The following SLC2A9 variants were observed in gnomAD, a reference collection of about 807,000 sequenced individuals.
SLC2A9 encodes solute carrier family 2 member 9, also known as solute carrier family 2, facilitated glucose transporter member 9.
SLC2A9 carries 39 observed loss-of-function variants against 50.6 expected under a neutral mutation model. That is an observed-to-expected ratio of 0.77 (90% CI 0.60 to 1.01). SLC2A9 has a LOEUF of 1.01. Among genes scored for constraint, SLC2A9 ranks in the 50% least tolerant of loss-of-function variants. SLC2A9 has a pLI of 0.00. For synonymous variants in SLC2A9, 324 were observed against 276.9 expected (o/e 1.17, Z -1.69); for missense variants, 686 against 677.6 (o/e 1.01, Z -0.14).
intron 11 of SLC2A9, among the ~76,000 whole-genome samples, chr4:9,832,328 G>A (rs1726305972): frequency 6.6e-6 from 1 of 152,174 alleles, no homozygotes; most frequent in African/African-American, 2.4e-5. Context: ...GCAGCCCCCT[G>A]AGCCCAGCTC....
intron 10 of SLC2A9, among the ~76,000 whole-genome samples, chr4:9,866,084 C>T (rs57235613): frequency 0.16 from 25,045 of 152,082 alleles, 2,166 homozygotes; most frequent in Admixed American, 0.23. Flanking sequence ...GGAAAGGGCC[C>T]CAGTCCTTGC....
intron 3 of SLC2A9, among the ~76,000 whole-genome samples, chr4:9,806,079 G>A (rs1722079110): frequency 6.6e-6 from 1 of 152,152 alleles, no homozygotes; most frequent in Non-Finnish European, 1.5e-5. Context: ...GCCTGAGGCT[G>A]GGAGCAGTCA....
chr4:10,034,010 TCTCCCCTCAGCAGCAC>T (rs1441461564), intron 1 of SLC2A9, among the ~76,000 whole-genome samples: 1 of 152,090 alleles, frequency 6.6e-6, no homozygotes, highest in Non-Finnish European at 1.5e-5. Flanking sequence ...TTACTGACTC[TCTCCCCTCAGCAGCAC>T]CCCCAGCACC....
At chr4:9,802,147 G>C (rs1236688385) in intron 3 of SLC2A9, among the ~76,000 whole-genome samples, 1 of 152,150 alleles carries the variant, frequency 6.6e-6, no homozygotes, top group African/African-American at 2.4e-5. Context: ...TTGTTTACTC[G>C]GTACCGAACC....
At chr4:9,806,057 GAGA>G (rs1255034979) in intron 3 of SLC2A9, among the ~76,000 whole-genome samples, 1 of 152,202 alleles carries the variant, frequency 6.6e-6, no homozygotes, top group Non-Finnish European at 1.5e-5. Flanking sequence ...AAAGAATGCA[GAGA>G]AGGTGTTAGC....
At chr4:10,038,297 A>C (rs1349285559) in intron 1 of SLC2A9, among the ~76,000 whole-genome samples, 2 of 151,684 alleles carry the variant, frequency 1.3e-5, no homozygotes, top group African/African-American at 2.4e-5. Flanking sequence ...ACTTGAGGTC[A>C]AGGAGTTCAA....
intron 2 of SLC2A9, among the ~76,000 whole-genome samples, chr4:10,016,183 T>A (rs1447604996): frequency 6.6e-6 from 1 of 152,170 alleles, no homozygotes; most frequent in Admixed American, 6.5e-5. Context: ...AGCTCCGATA[T>A]CCCAAACAAG....
At chr4:9,996,487 G>A (rs1299019611) in intron 3 of SLC2A9, among the ~76,000 whole-genome samples, 1 of 152,168 alleles carries the variant, frequency 6.6e-6, no homozygotes, top group Non-Finnish European at 1.5e-5. Flanking sequence ...ATGGAGGGTG[G>A]GAGGAGGGAG....
At chr4:9,902,767 C>G (rs58676546) in intron 8 of SLC2A9, among the ~76,000 whole-genome samples, 2 of 152,164 alleles carry the variant, frequency 1.3e-5, no homozygotes, top group Non-Finnish European at 2.9e-5. Context: ...AGGGGCCCAC[C>G]CTATTCCAGT....
Position 9,826,278 on chromosome 4 carries a change from G to A in SLC2A9, c.*119C>T. The A allele has an allele frequency of 2.1e-6, 2 of 957,312 alleles. No homozygotes were observed. Among genetic ancestry groups the A allele is most frequent in the African/African-American group, 1.6e-5 (1 of 61,778 alleles). The allele number at this position is 957,312 out of a possible 1,614,324, so 59.3% of individuals were successfully genotyped here. A position where few individuals can be genotyped will look rare whatever the true frequency, so the allele number is the denominator to read the frequency against. ...TTTAATAATATAAAAGACTTGCATA[G>A]CTTCAATTCATTTAAGCTTCCCAAT... On this transcript the variant is annotated 3_prime_UTR_variant, in exon 12 of 12. Coordinates refer to ENST00000264784, the MANE Select transcript of SLC2A9 (RefSeq NM_020041.3).
intron 1 of SLC2A9, among the ~76,000 whole-genome samples, chr4:9,772,825 A>ATTTTTTTTTTTAT (rs71179491): frequency 3.4e-5 from 5 of 147,802 alleles, no homozygotes; most frequent in Non-Finnish European, 6.0e-5. Context: ...TTTTTTTTTT[A>ATTTTTTTTTTTAT]TTTTTTTTTT....
downstream of SLC2A9, among the ~76,000 whole-genome samples, chr4:9,779,409 C>T (rs1718019462): frequency 6.6e-6 from 1 of 150,430 alleles, no homozygotes; most frequent in African/African-American, 2.5e-5. Context: ...TCTATCTAGA[C>T]TTTAAACTTT....
chr4:9,916,125 C>T (rs1257467875), intron 7 of SLC2A9, among the ~76,000 whole-genome samples: 1 of 152,224 alleles, frequency 6.6e-6, no homozygotes, highest in Non-Finnish European at 1.5e-5. Flanking sequence ...ATCTGGGACT[C>T]TCTTAGGCAC....
chr4:9,802,971 G>T (rs1275388461), intron 3 of SLC2A9, among the ~76,000 whole-genome samples: 1 of 152,230 alleles, frequency 6.6e-6, no homozygotes, highest in Non-Finnish European at 1.5e-5. Flanking sequence ...ATACTTTGTA[G>T]ATGCTGGACT....
rs1411029820 is a variant in SLC2A9, at chr4:10,011,129, G to C, written c.249+7846C>G. Reference sequence around the variant, plus strand: ...TGGGCCCTTTTGGACTGAAGTCTGGGCTCCATACTGTCGGCCCTGCCACAG... The same window carrying C: ...TGGGCCCTTTTGGACTGAAGTCTGGCCTCCATACTGTCGGCCCTGCCACAG... On this transcript the variant is annotated intron_variant, in intron 2 of 11. Transcript: ENST00000264784. 2.6e-5 allele frequency among the ~76,000 whole-genome samples: 4 copies of C among 152,244 alleles called. No homozygotes were observed. In the East Asian group the frequency reaches 7.7e-4, roughly 29 times the overall value.
intron 10 of SLC2A9, among the ~76,000 whole-genome samples, chr4:9,863,770 T>C (rs906231203): frequency 1.3e-5 from 2 of 152,114 alleles, no homozygotes; most frequent in African/African-American, 4.8e-5. Context: ...CATCAGAGGC[T>C]ATGTGGGAAC....
chr4:9,959,482 G>C (rs1023921123), intron 5 of SLC2A9, among the ~76,000 whole-genome samples: 2 of 150,954 alleles, frequency 1.3e-5, no homozygotes, highest in Non-Finnish European at 2.9e-5. Flanking sequence ...TAAAGAAAAT[G>C]AATTTAAAAG....
chr4:10,021,863 C>T (rs1489661880), upstream of SLC2A9, among the ~76,000 whole-genome samples: 2 of 148,730 alleles, frequency 1.3e-5, no homozygotes, highest in African/African-American at 2.5e-5. Context: ...TTTTTTTGAC[C>T]GAATCTTGCT....
chr4:9,917,800 G>A (rs1743156424), intron 7 of SLC2A9, among the ~76,000 whole-genome samples: 1 of 152,202 alleles, frequency 6.6e-6, no homozygotes, highest in Admixed American at 6.5e-5. Flanking sequence ...GTCACAGCTG[G>A]TGGGGCAGAT....
Sources: gnomAD v4.1 joint callset for allele counts (sites outside exome capture counted in the v4.1 genomes callset) on GRCh38, gnomAD v4.1.1 for gene constraint, MANE v1.5 for transcripts, NCBI Gene and HGNC (gene_info 2026-07-23, HGNC 2026-07-21) for gene names.